KLF7: variants seen among roughly 807,000 people sequenced by gnomAD.
The protein encoded by KLF7 is Krueppel-like factor 7.
Under a neutral mutation model 27.3 loss-of-function variants are expected in KLF7, and 2 were observed. The ratio of observed to expected loss-of-function variants is 0.07; its 90% confidence interval spans 0.03 to 0.23. The LOEUF (loss-of-function observed/expected upper bound fraction) is 0.23, where lower values mean the gene tolerates loss of function less well. KLF7 is among the 10% of genes least tolerant of loss of function. The pLI is 1.00. For synonymous variants in KLF7, 165 were observed against 162.4 expected, an observed-to-expected ratio of 1.02 and a Z score of -0.12; for missense variants, 221 against 394.1, an observed-to-expected ratio of 0.56 and a Z score of 3.72.
rs548016281 is a variant in KLF7 at position 207,078,542 on chromosome 2, T to C, written c.*2671A>G. On this transcript the variant is annotated 3_prime_UTR_variant, in exon 4 of 4. Coordinates refer to ENST00000309446, the MANE Select transcript of KLF7 (RefSeq NM_003709.4). ...ATTAAGTATTATAAACCCTTAATAA[T>C]AGCATTCGAGAGGCAAGAGCAGCTC... is the stretch of plus-strand genomic sequence containing the variant. 1.3e-5 allele frequency: 2 copies of C among 152,364 alleles called. No individual in the cohort carries two copies. The highest frequency in any genetic ancestry group is 2.9e-5 in the Non-Finnish European group (2 of 68,036). The allele number at this position is 152,364 out of a possible 1,614,324, so 9.4% of individuals were successfully genotyped here. A position where few individuals can be genotyped will look rare whatever the true frequency, so the allele number is the denominator to read the frequency against.
intron 2 of KLF7, among the ~76,000 whole-genome samples, chr2:207,100,280 T>A (rs1031350096): frequency 6.6e-6 from 1 of 152,244 alleles, no homozygotes; most frequent in African/African-American, 2.4e-5. Context: ...TCAGTGAAGA[T>A]TTAAAACATC....
At chr2:207,088,412 T>C in intron 3 of KLF7, 46 bp downstream of exon 3, 1 of 1,592,702 alleles carries the variant, frequency 6.3e-7, no homozygotes, top group South Asian at 1.1e-5. Context: ...TCCAACCCAC[T>C]TCCCCATCTC....
At chr2:207,086,657 A>G (rs998825729) in intron 3 of KLF7, among the ~76,000 whole-genome samples, 18 of 152,270 alleles carry the variant, frequency 1.2e-4, no homozygotes, top group Admixed American at 2.0e-4. Context: ...ATCATACAAA[A>G]GACCAGATTA....
intron 2 of KLF7, among the ~76,000 whole-genome samples, chr2:207,100,600 C>T (rs895796017): frequency 3.3e-5 from 5 of 152,170 alleles, no homozygotes; most frequent in Non-Finnish European, 5.9e-5. Flanking sequence ...CCCCCGCTCC[C>T]CAACTCCCGC....
upstream of KLF7, among the ~76,000 whole-genome samples, chr2:207,169,728 C>G (rs938891259): frequency 3.9e-5 from 6 of 152,062 alleles, no homozygotes; most frequent in Non-Finnish European, 8.8e-5. Flanking sequence ...CACAATAGTT[C>G]AAACTTTTTT....
chr2:207,159,500 C>T (rs1187416690), intron 1 of KLF7, among the ~76,000 whole-genome samples: 1 of 152,168 alleles, frequency 6.6e-6, no homozygotes, highest in Non-Finnish European at 1.5e-5. Flanking sequence ...CTTTCTCTGC[C>T]TTACTACAGT....
intron 1 of KLF7, among the ~76,000 whole-genome samples, chr2:207,149,635 T>C (rs1168539399): frequency 1.3e-5 from 2 of 152,234 alleles, no homozygotes; most frequent in Non-Finnish European, 2.9e-5. Context: ...GCTTTGTACC[T>C]GACACCTGGG....
chr2:207,165,953 C>T, upstream of KLF7: 1 of 1,035,460 alleles, frequency 9.7e-7, no homozygotes, highest in South Asian at 4.1e-5. Flanking sequence ...GCTGTTCGCT[C>T]CTAATGCAAT....
intron 3 of KLF7, among the ~76,000 whole-genome samples, chr2:207,082,209 G>A (rs2076288537): frequency 1.3e-5 from 2 of 152,176 alleles, no homozygotes; most frequent in African/African-American, 4.8e-5. Context: ...TGTGGCCACA[G>A]TACTCTGCTA....
chr2:207,102,167 TCCC>T (rs1001676396), intron 2 of KLF7, among the ~76,000 whole-genome samples: 5 of 119,238 alleles, frequency 4.2e-5, no homozygotes, highest in South Asian at 2.9e-4. Flanking sequence ...CACCCTGCCC[TCCC>T]CCCCAATCTG....
chr2:207,086,713 G>A (rs1023120415), intron 3 of KLF7, among the ~76,000 whole-genome samples: 3 of 152,226 alleles, frequency 2.0e-5, no homozygotes, highest in African/African-American at 7.2e-5. Flanking sequence ...CAATAAGTCA[G>A]TTGATTTGAA....
At chr2:207,104,252 T>A (rs2076830357) in intron 2 of KLF7, among the ~76,000 whole-genome samples, 1 of 152,246 alleles carries the variant, frequency 6.6e-6, no homozygotes, top group African/African-American at 2.4e-5. Context: ...CTATTAGATG[T>A]ATGAATATAC....
At chr2:207,131,981 G>C (rs888819631) in intron 1 of KLF7, among the ~76,000 whole-genome samples, 1 of 152,150 alleles carries the variant, frequency 6.6e-6, no homozygotes, top group Non-Finnish European at 1.5e-5. Flanking sequence ...TGGCAGAAAG[G>C]ATGCATGAAC....
At chr2:207,113,609 G>T (rs1198870367) in intron 2 of KLF7, among the ~76,000 whole-genome samples, 4 of 55,832 alleles carry the variant, frequency 7.2e-5, no homozygotes, top group Admixed American at 1.3e-4. Context: ...ATGGGGGGTG[G>T]GGGGGGGGGG....
Position 207,165,735 on chromosome 2 carries a change from G to T in KLF7, c.-167C>A. The T allele has an allele frequency of 6.9e-7, 1 of 1,451,504 alleles. No homozygotes were observed. The allele number at this position is 1,451,504 out of a possible 1,614,324, so 89.9% of individuals were successfully genotyped here. A position where few individuals can be genotyped will look rare whatever the true frequency, so the allele number is the denominator to read the frequency against. On this transcript the variant is annotated 5_prime_UTR_variant, in exon 1 of 4. The change creates a new upstream start codon in the 5' untranslated region. Transcript: ENST00000309446. The stretch of plus-strand genomic sequence containing the variant: ...AAAAGGAAAAAAAAAAATCAATGCA[G>T]GAGAGGGAGAGAGGAGGTGAGAGAG...
At chr2:207,132,571 C>A (rs886571608) in intron 1 of KLF7, among the ~76,000 whole-genome samples, 7 of 152,312 alleles carry the variant, frequency 4.6e-5, no homozygotes, top group African/African-American at 1.7e-4. Context: ...GATTAAAGGC[C>A]TGGGGAGAGG....
intron 2 of KLF7, chr2:207,110,066 C>T (rs1401779888): frequency 6.5e-6 from 1 of 154,808 alleles, no homozygotes; most frequent in East Asian, 1.9e-4. Context: ...CTGGGGATGA[C>T]ACGTCTGACA....
intron 2 of KLF7, among the ~76,000 whole-genome samples, chr2:207,118,078 T>C (rs1298695891): frequency 6.6e-6 from 1 of 152,214 alleles, no homozygotes; most frequent in African/African-American, 2.4e-5. Context: ...TCAGGAGACA[T>C]GGGTCCAATT....
chr2:207,129,325 C>T (rs1042816320), intron 1 of KLF7, among the ~76,000 whole-genome samples: 4 of 152,218 alleles, frequency 2.6e-5, no homozygotes, highest in African/African-American at 9.6e-5. Flanking sequence ...TACAAGGCTT[C>T]CCTCAGCCTG....
Sources: allele counts gnomAD v4.1 joint callset (sites outside exome capture counted in the v4.1 genomes callset), GRCh38; gene constraint gnomAD v4.1.1; transcripts MANE v1.5; gene names NCBI Gene and HGNC (gene_info 2026-07-23, HGNC 2026-07-21).